AP4E1: variants seen among roughly 807,000 people sequenced by gnomAD.
AP4E1 encodes adaptor related protein complex 4 subunit epsilon 1.
AP4E1 carries 56 observed loss-of-function variants against 128.2 expected under a neutral mutation model. The observed-to-expected ratio is 0.44, with a 90% CI of 0.35 to 0.55. The LOEUF is 0.55. AP4E1 is among the 20% of genes least tolerant of loss of function. AP4E1 has a pLI of 0.00. For synonymous variants in AP4E1, 484 were observed against 473.1 expected, an observed-to-expected ratio of 1.02 and a Z score of -0.30; for missense variants, 1,324 against 1,307.7, an observed-to-expected ratio of 1.01 and a Z score of -0.19.
At position 51,002,629 on chromosome 15, in the gene AP4E1, G is replaced by A. The variant is rs756526640; in HGVS notation, c.3381G>A (p.Leu1127=). Reference sequence around the variant, plus strand: ...GTTCTACTCTTCCTGACTATTTACTGTATCAGTGTCAAAAGGTGATGGAGG... The same window carrying A: ...GTTCTACTCTTCCTGACTATTTACTATATCAGTGTCAAAAGGTGATGGAGG... ...SSCSTLPDYL[L]YQCQKVMEGS The change falls in exon 21 of 21, where the codon CTG becomes CTA. Residue 1127 remains leucine, a synonymous_variant. Transcript: ENST00000261842. The A allele has an allele frequency of 3.1e-6, 5 of 1,614,100 alleles. No individual in the cohort carries two copies. In the Admixed American group the frequency reaches 5.0e-5, roughly 16 times the overall value.
chr15:50,912,167 G>A lies in AP4E1; in HGVS notation c.222+18G>A, dbSNP rs1147129. ...CAACACTGGTAGGTTTGCATAGTCA[G>A]TGCCAACACATTTGAATTTGAAATC... On this transcript the variant is annotated intron_variant, in intron 2 of 20. Transcript: ENST00000261842. 0.55 allele frequency: 882,596 copies of A among 1,603,050 alleles called. 245,547 individuals are homozygous for A. Among genetic ancestry groups the A allele is most frequent in the Admixed American group, 0.65 (39,009 of 59,978 alleles).
chr15:50,953,055 A>G (rs2140869203), intron 13 of AP4E1, among the ~76,000 whole-genome samples: 1 of 152,262 alleles, frequency 6.6e-6, no homozygotes, highest in Admixed American at 6.5e-5. Flanking sequence ...AGTCTCTACC[A>G]AAGGGAGAAA....
intron 14 of AP4E1, among the ~76,000 whole-genome samples, chr15:50,961,974 CAAG>C (rs1399857084): frequency 6.6e-6 from 1 of 150,458 alleles, no homozygotes. Context: ...AAAAAAAAAT[CAAG>C]AAAGTAATGC....
At chr15:50,938,810 A>G (rs934794088) in intron 8 of AP4E1, among the ~76,000 whole-genome samples, 9 of 152,168 alleles carry the variant, frequency 5.9e-5, no homozygotes, top group East Asian at 1.9e-4. Context: ...ACTCCCTCCA[A>G]CAATAACCAG....
chr15:50,999,116 A>C lies in AP4E1; in HGVS notation c.2949A>C (p.Glu983Asp). The C allele has an allele frequency of 6.2e-7, 1 of 1,614,014 alleles. No individual in the cohort carries two copies. Among genetic ancestry groups the C allele is most frequent in the Non-Finnish European group, 8.5e-7 (1 of 1,179,964 alleles). ...PGCCLPVMEAESTKSFQYSVQ... is the reference protein window; with the variant it reads ...PGCCLPVMEADSTKSFQYSVQ... The stretch of plus-strand genomic sequence containing the variant: ...GCTGTTTGCCTGTAATGGAAGCAGA[A>C]AGCACCAAAAGCTTTCAATATAGTG... The change falls in exon 19 of 21, where the codon GAA (glutamate) becomes GAC (aspartate). Residue 983 changes from glutamate (E) to aspartate (D), a missense_variant. Physicochemically the swap from Glu to Asp is conservative, Grantham distance 45. Transcript: ENST00000261842.
chr15:50,984,225 C>G, intron 16 of AP4E1, 80 bp downstream of exon 16: 1 of 1,498,888 alleles, frequency 6.7e-7, no homozygotes, highest in South Asian at 1.1e-5. Context: ...TCTGCTCCTG[C>G]CTCATATCAT....
chr15:50,972,219 T>C (rs186841780), intron 15 of AP4E1, among the ~76,000 whole-genome samples: 4 of 151,892 alleles, frequency 2.6e-5, no homozygotes, highest in Admixed American at 6.5e-5. Context: ...TCTTTCTTTC[T>C]TTTTTCTTTT....
intron 13 of AP4E1, among the ~76,000 whole-genome samples, chr15:50,952,355 A>C (rs1378331386): frequency 1.6e-4 from 25 of 151,828 alleles, no homozygotes; most frequent in Admixed American, 1.6e-3. Flanking sequence ...CTAAAAATAC[A>C]AAAAATTAGC....
intron 16 of AP4E1, among the ~76,000 whole-genome samples, chr15:50,984,398 G>A (rs899501848): frequency 2.0e-5 from 3 of 151,812 alleles, no homozygotes; most frequent in Admixed American, 1.3e-4. Flanking sequence ...ATGTTGGTGT[G>A]CTGCACCCAT....
Position 50,922,793 on chromosome 15 carries a change from T to C in AP4E1, c.347-1138T>C, listed in dbSNP as rs28675179. Among the ~76,000 whole-genome samples the C allele has an allele frequency of 5.0e-3, 754 of 151,898 alleles. 11 individuals carry two copies. Among genetic ancestry groups the C allele is most frequent in the African/African-American group, 0.018 (731 of 41,428 alleles). Reference sequence around the variant, plus strand: ...CTTTTTTTGGGTCTCTTTTTTTTTTTTTGAGACCGAGTCTTGCTCTGTCGT... The same window carrying C: ...CTTTTTTTGGGTCTCTTTTTTTTTTCTTGAGACCGAGTCTTGCTCTGTCGT... On this transcript the variant is annotated intron_variant, in intron 3 of 20. Coordinates refer to ENST00000261842, the MANE Select transcript of AP4E1 (RefSeq NM_007347.5).
Position 50,999,089 on chromosome 15 carries a change from A to G in AP4E1, c.2922A>G (p.Gly974=). 6.2e-7 allele frequency: 1 copy of G among 1,614,032 alleles called. No individual in the cohort carries two copies. Among genetic ancestry groups the G allele is most frequent in the Non-Finnish European group, 8.5e-7 (1 of 1,179,960 alleles). The change falls in exon 19 of 21, where the codon GGA becomes GGG. Residue 974 remains glycine (G), a synonymous_variant. Coordinates refer to ENST00000261842, the MANE Select transcript of AP4E1 (RefSeq NM_007347.5). ...AENFKVTEQP[G]CCLPVMEAES... The stretch of plus-strand genomic sequence containing the variant: ...ATTTGCAGGTGACTGAGCAACCTGG[A>G]TGCTGTTTGCCTGTAATGGAAGCAG...
chr15:50,990,310 T>G (rs376052312), intron 16 of AP4E1, among the ~76,000 whole-genome samples: 6 of 149,570 alleles, frequency 4.0e-5, no homozygotes, highest in African/African-American at 1.5e-4. Flanking sequence ...TGTTGCTTTC[T>G]TATGTATTTT....
chr15:50,963,115 G>T (rs1276614), intron 14 of AP4E1, among the ~76,000 whole-genome samples: 1 of 152,040 alleles, frequency 6.6e-6, no homozygotes, highest in South Asian at 2.1e-4. Context: ...CAAGGATGCA[G>T]AAAAAAGGAA....
chr15:51,001,852 G>C (rs1043259717), intron 20 of AP4E1, among the ~76,000 whole-genome samples: 17 of 152,060 alleles, frequency 1.1e-4, no homozygotes, highest in Admixed American at 9.2e-4. Context: ...CCCAGAAGTG[G>C]AATTGGTGGA....
intron 7 of AP4E1, among the ~76,000 whole-genome samples, chr15:50,932,102 C>T (rs2063843205): frequency 6.6e-6 from 1 of 152,178 alleles, no homozygotes; most frequent in South Asian, 2.1e-4. Flanking sequence ...ACCTCAGTTT[C>T]CCAAGTAGCT....
chr15:50,958,433 GT>G (rs2064261316), intron 13 of AP4E1, 58 bp from the exon 14 acceptor site: 2 of 1,420,834 alleles, frequency 1.4e-6, no homozygotes, highest in African/African-American at 1.4e-5. Context: ...TTAGATTTTA[GT>G]ATAGTCTACT....
chr15:50,914,123 G>C (rs185583208), intron 2 of AP4E1, among the ~76,000 whole-genome samples: 4 of 152,214 alleles, frequency 2.6e-5, no homozygotes, highest in South Asian at 4.2e-4. Context: ...CCCAGCTAGT[G>C]TTTTGTAGTC....
At chr15:50,957,196 A>G (rs1006440756) in intron 13 of AP4E1, among the ~76,000 whole-genome samples, 4 of 152,196 alleles carry the variant, frequency 2.6e-5, no homozygotes, top group African/African-American at 9.6e-5. Flanking sequence ...GAATTGAAGG[A>G]TGATAAATGC....
intron 3 of AP4E1, among the ~76,000 whole-genome samples, chr15:50,921,474 A>C (rs1185864046): frequency 6.6e-6 from 1 of 151,708 alleles, no homozygotes; most frequent in Non-Finnish European, 1.5e-5. Context: ...TCAGCCTCCC[A>C]AGTAGCTGGG....
Sources: gnomAD v4.1 joint callset for allele counts (sites outside exome capture counted in the v4.1 genomes callset) on GRCh38, gnomAD v4.1.1 for gene constraint, MANE v1.5 for transcripts, NCBI Gene and HGNC (gene_info 2026-07-23, HGNC 2026-07-21) for gene names.